The following RNF212 variants were observed in gnomAD, a reference collection of about 807,000 sequenced individuals.
RNF212 encodes the protein ring finger protein 212.
Under a neutral mutation model 34.7 loss-of-function variants are expected in RNF212, and 33 were observed. That is an observed-to-expected ratio of 0.95 (90% CI 0.72 to 1.27). The LOEUF (loss-of-function observed/expected upper bound fraction) is 1.27, where lower values mean the gene tolerates loss of function less well. Ranked by LOEUF, RNF212 falls within the 50% of genes most tolerant of loss-of-function variation. RNF212 has a pLI of 0.00. For synonymous variants in RNF212, 140 were observed against 136.1 expected (o/e 1.03, Z -0.20); for missense variants, 377 against 362.2 (o/e 1.04, Z -0.33).
At chr4:1,081,354 G>A in intron 7 of RNF212, 65 bp downstream of exon 7, 2 of 1,408,478 alleles carry the variant, frequency 1.4e-6, no homozygotes, top group African/African-American at 1.4e-5. Flanking sequence ...GGGTTGGGAT[G>A]GGAAGGCAGG....
intron 1 of RNF212, 89 bp from the exon 2 acceptor site, chr4:1,108,493 A>T (rs1725164148): frequency 1.6e-5 from 10 of 624,462 alleles, no homozygotes; most frequent in Non-Finnish European, 2.3e-5. Context: ...TTCTCCAAGA[A>T]ATAGGCAGGA....
At chr4:1,113,615 C>T (rs919072840), upstream of RNF212, 2 of 534,100 alleles carry the variant, frequency 3.7e-6, no homozygotes, top group Admixed American at 4.4e-5. Context: ...GAGCTCGCGC[C>T]CTCCCGCCAA....
chr4:1,111,420 T>C (rs1238817464), intron 1 of RNF212, among the ~76,000 whole-genome samples: 2 of 152,122 alleles, frequency 1.3e-5, no homozygotes, highest in Admixed American at 6.5e-5. Context: ...ATACAGGCCG[T>C]GTCCAGACAT....
At chr4:1,112,221 G>A (rs1294230871) in intron 1 of RNF212, among the ~76,000 whole-genome samples, 2 of 152,166 alleles carry the variant, frequency 1.3e-5, no homozygotes, top group Non-Finnish European at 2.9e-5. Context: ...GAGGCAAAGA[G>A]AAGGAAGGGA....
chr4:1,060,281 C>G (rs1173138583), intron 3 of RNF212, among the ~76,000 whole-genome samples: 2 of 152,150 alleles, frequency 1.3e-5, no homozygotes, highest in Non-Finnish European at 2.9e-5. Context: ...CCCGAAAGAC[C>G]CCTGCCGATC....
chr4:1,109,951 C>T (rs565723244), intron 1 of RNF212, among the ~76,000 whole-genome samples: 67 of 152,182 alleles, frequency 4.4e-4, no homozygotes, highest in Non-Finnish European at 8.8e-4. Flanking sequence ...CTTCAAGTTG[C>T]CCTCATGCTA....
chr4:1,080,102 C>T (rs1720083864), intron 7 of RNF212, among the ~76,000 whole-genome samples: 2 of 152,252 alleles, frequency 1.3e-5, no homozygotes, highest in African/African-American at 4.8e-5. Flanking sequence ...CCTGGCCACA[C>T]ATACCACACC....
At chr4:1,110,717 C>G (rs1725526067) in intron 1 of RNF212, among the ~76,000 whole-genome samples, 1 of 152,162 alleles carries the variant, frequency 6.6e-6, no homozygotes, top group Non-Finnish European at 1.5e-5. Context: ...TACACCAGAG[C>G]TAAACAAGGG....
rs193063713 is a variant in RNF212, at chr4:1,096,834, G to T, written c.177C>A (p.Asp59Glu). The T allele has an allele frequency of 1.9e-6, 3 of 1,609,820 alleles. No homozygotes were observed. Among genetic ancestry groups the T allele is most frequent in the Non-Finnish European group, 2.6e-6 (3 of 1,175,974 alleles). ...TCATGAAGAATGCCTGGATATCTGC[G>T]TCGGTCTGAAAGAGAAAGAAATGAC... ...CRTVLLSKHTDADIQAFFMSI... is the reference protein window; with the variant it reads ...CRTVLLSKHTEADIQAFFMSI... Residue 59 changes from aspartate (D) to glutamate (E), a missense_variant, in exon 3 of 10, where the codon GAC becomes GAA. Transcript: ENST00000433731.
chr4:1,067,712 A>G (rs1718180389), downstream of RNF212, among the ~76,000 whole-genome samples: 1 of 152,114 alleles, frequency 6.6e-6, no homozygotes, highest in Admixed American at 6.6e-5. Flanking sequence ...AAAATTACAA[A>G]AATTAGCCGG....
Position 1,081,337 on chromosome 4 carries a change from G to A in RNF212, c.464+82C>T, listed in dbSNP as rs955656541. ...TTAGCAAAATCTGGGGGCTTGGAGA[G>A]GGGGTGGGGTTGGGATGGGAAGGCA... On this transcript the variant is annotated intron_variant, in intron 7 of 9. Coordinates refer to ENST00000433731, the MANE Select transcript of RNF212 (RefSeq NM_001131034.4). 1.2e-5 allele frequency: 14 copies of A among 1,179,588 alleles called. No homozygotes were observed. The East Asian group carries it at 3.3e-4, about 28-fold the overall frequency. The allele number at this position is 1,179,588 out of a possible 1,614,324, so 73.1% of individuals were successfully genotyped here. A position where few individuals can be genotyped will look rare whatever the true frequency, so the allele number is the denominator to read the frequency against.
chr4:1,075,373 G>A (rs895394141), intron 8 of RNF212, among the ~76,000 whole-genome samples: 15 of 152,370 alleles, frequency 9.8e-5, no homozygotes, highest in African/African-American at 1.4e-4. Flanking sequence ...CAGGAAGCAT[G>A]GCAACAGCTG....
chr4:1,078,768 T>C (rs544799092), intron 8 of RNF212, among the ~76,000 whole-genome samples: 5 of 151,004 alleles, frequency 3.3e-5, no homozygotes, highest in Admixed American at 6.6e-5. Flanking sequence ...AGAACCAACA[T>C]AGGACCAATA....
intron 4 of RNF212, among the ~76,000 whole-genome samples, chr4:1,089,991 A>AGGGGTGAGGGGTGACAGGAT (rs1577729668): frequency 1.3e-5 from 2 of 151,802 alleles, no homozygotes; most frequent in Non-Finnish European, 2.9e-5. Context: ...AGGACAGTGT[A>AGGGGTGAGGGGTGACAGGAT]GGGGTGAGGG....
At chr4:1,092,734 A>C (rs1722383305) in intron 3 of RNF212, among the ~76,000 whole-genome samples, 1 of 152,242 alleles carries the variant, frequency 6.6e-6, no homozygotes, top group South Asian at 2.1e-4. Context: ...AGGTCAGCCC[A>C]GGGCCCCAAG....
intron 3 of RNF212, chr4:1,093,920 G>A (rs1270291655): frequency 6.5e-7 from 1 of 1,536,214 alleles, no homozygotes. Context: ...TCTGGCTGCT[G>A]CTTGGCTTCC....
chr4:1,113,370 GCGTCGCAGTACAC>G lies in RNF212; in HGVS notation c.82_94del (p.Val28ProfsTer12). 1.3e-6 allele frequency: 2 copies of G among 1,585,838 alleles called. No homozygotes were observed. The highest frequency in any genetic ancestry group is 1.7e-6 in the Non-Finnish European group (2 of 1,169,558). On this transcript the variant is annotated frameshift_variant, in exon 1 of 10. Transcript: ENST00000433731. LOFTEE classifies it high-confidence loss of function. ...GAAGCCCTGACCTTTGCCGAGGCAG[GCGTCGCAGTACAC>G]GTGCCCGCAGTTGGTGAGGCTGAAG...
chr4:1,065,798 CTGGTCT>C (rs1718056293), intron 3 of RNF212, among the ~76,000 whole-genome samples: 1 of 145,624 alleles, frequency 6.9e-6, no homozygotes, highest in African/African-American at 2.4e-5. Flanking sequence ...GTTGGCCAGG[CTGGTCT>C]TGAAGTCCTG....
chr4:1,095,138 A>G (rs1722854969), intron 3 of RNF212, among the ~76,000 whole-genome samples: 1 of 147,322 alleles, frequency 6.8e-6, no homozygotes, highest in Non-Finnish European at 1.5e-5. Flanking sequence ...CACCTGGCTC[A>G]TCACAGAACC....
Sources: gnomAD v4.1 joint callset for allele counts (sites outside exome capture counted in the v4.1 genomes callset) on GRCh38, gnomAD v4.1.1 for gene constraint, MANE v1.5 for transcripts, NCBI Gene and HGNC (gene_info 2026-07-23, HGNC 2026-07-21) for gene names.